CACNA2D3: variants seen among roughly 807,000 people sequenced by gnomAD.
CACNA2D3 encodes the protein voltage-dependent calcium channel subunit alpha-2/delta-3.
A neutral mutation model predicts 160.6 loss-of-function variants in CACNA2D3; 60 were observed. The observed-to-expected ratio is 0.37, with a 90% CI of 0.30 to 0.46. The LOEUF (loss-of-function observed/expected upper bound fraction) is 0.46, where lower values mean the gene tolerates loss of function less well. Among genes scored for constraint, CACNA2D3 ranks in the 20% least tolerant of loss-of-function variants. CACNA2D3 has a pLI of 1.00. For missense variants in CACNA2D3, 1,205 were observed against 1,365.0 expected, an observed-to-expected ratio of 0.88 and a Z score of 1.85; for synonymous variants, 558 against 492.9, an observed-to-expected ratio of 1.13 and a Z score of -1.75.
At chr3:54,411,096 T>C (rs1038175831) in intron 4 of CACNA2D3, among the ~76,000 whole-genome samples, 1 of 152,214 alleles carries the variant, frequency 6.6e-6, no homozygotes, top group Admixed American at 6.5e-5. Flanking sequence ...ACTGATTTGC[T>C]GCAATCTCAT....
chr3:54,366,288 G>C (rs1425505405), intron 3 of CACNA2D3, among the ~76,000 whole-genome samples: 3 of 152,196 alleles, frequency 2.0e-5, no homozygotes, highest in Non-Finnish European at 2.9e-5. Flanking sequence ...ATGTGGAAAA[G>C]ACCTGCATGC....
At chr3:54,732,275 C>T (rs1049938733) in intron 11 of CACNA2D3, among the ~76,000 whole-genome samples, 8 of 152,224 alleles carry the variant, frequency 5.3e-5, no homozygotes, top group African/African-American at 1.9e-4. Context: ...TTGTAATTAG[C>T]CAGGGAACCC....
chr3:54,427,223 G>T (rs770367570), intron 4 of CACNA2D3, among the ~76,000 whole-genome samples: 1 of 152,120 alleles, frequency 6.6e-6, no homozygotes, highest in African/African-American at 2.4e-5. Flanking sequence ...TTATCTGTGC[G>T]TATCTGTTGA....
intron 26 of CACNA2D3, among the ~76,000 whole-genome samples, chr3:54,897,340 AC>A (rs776085051): frequency 9.2e-5 from 14 of 152,238 alleles, no homozygotes; most frequent in Non-Finnish European, 1.6e-4. Flanking sequence ...GCCTGCAGTT[AC>A]CAATGACAGG....
intron 23 of CACNA2D3, 35 bp downstream of exon 23, chr3:54,885,621 G>A (rs758234142): frequency 6.5e-7 from 1 of 1,527,698 alleles, no homozygotes; most frequent in African/African-American, 1.4e-5. Flanking sequence ...TGTGCCTTCA[G>A]GGGTGATGGT....
At chr3:54,979,393 C>A (rs1448182132) in intron 29 of CACNA2D3, among the ~76,000 whole-genome samples, 1 of 152,202 alleles carries the variant, frequency 6.6e-6, no homozygotes, top group East Asian at 1.9e-4. Context: ...AAAAGAGATT[C>A]TTACTGCATT....
rs1337661277 is a variant in CACNA2D3, at chr3:54,968,527, C to A, written c.2511+16C>A. Reference sequence around the variant, plus strand: ...CAGCAGACAGGTAAGTTATAATCAGCATCTTGAAGCATTAGCGACACTGTT... The same window carrying A: ...CAGCAGACAGGTAAGTTATAATCAGAATCTTGAAGCATTAGCGACACTGTT... On this transcript the variant is annotated intron_variant, in intron 28 of 37. Transcript: ENST00000474759. The A allele has an allele frequency of 4.4e-6, 7 of 1,592,282 alleles. No individual in the cohort carries two copies. Among genetic ancestry groups the A allele is most frequent in the Non-Finnish European group, 6.0e-6 (7 of 1,164,228 alleles).
intron 27 of CACNA2D3, among the ~76,000 whole-genome samples, chr3:54,933,279 T>C (rs1033246980): frequency 1.3e-5 from 2 of 152,248 alleles, no homozygotes; most frequent in Non-Finnish European, 2.9e-5. Context: ...ATTATGCTAT[T>C]TTAACAAACA....
At chr3:54,315,010 T>C (rs1703829832) in intron 2 of CACNA2D3, among the ~76,000 whole-genome samples, 1 of 152,240 alleles carries the variant, frequency 6.6e-6, no homozygotes, top group South Asian at 2.1e-4. Flanking sequence ...CAAAAGTAAT[T>C]TGTACTGGCA....
intron 2 of CACNA2D3, among the ~76,000 whole-genome samples, chr3:54,230,235 T>G (rs1285551636): frequency 6.6e-6 from 1 of 152,146 alleles, no homozygotes; most frequent in Non-Finnish European, 1.5e-5. Flanking sequence ...ATAGTTTTAT[T>G]ACAGGGAAAT....
chr3:55,070,315 AAG>A lies in CACNA2D3; in HGVS notation c.2988-3121_2988-3120del, dbSNP rs572070935. On this transcript the variant is annotated intron_variant, in intron 35 of 37. Coordinates refer to ENST00000474759, the MANE Select transcript of CACNA2D3 (RefSeq NM_018398.3). The stretch of plus-strand genomic sequence containing the variant: ...AATTTCTGAAGGAGGGAGATGTGTG[AAG>A]AGAGAGAGTTGGAGGGAGAGAGAGA... Among the ~76,000 whole-genome samples the A allele has an allele frequency of 2.3e-4, 35 of 152,304 alleles. No individual in the cohort carries two copies. The East Asian group carries it at 6.2e-3, about 27-fold the overall frequency.
intron 9 of CACNA2D3, among the ~76,000 whole-genome samples, chr3:54,617,906 G>T (rs1241235952): frequency 2.0e-5 from 3 of 151,288 alleles, no homozygotes; most frequent in African/African-American, 4.9e-5. Flanking sequence ...CAGTCTTCTC[G>T]TTCTAGGAGC....
At chr3:54,659,872 A>AG (rs1461312019) in intron 11 of CACNA2D3, among the ~76,000 whole-genome samples, 1 of 152,186 alleles carries the variant, frequency 6.6e-6, no homozygotes, top group East Asian at 1.9e-4. Flanking sequence ...CTAGATGCCT[A>AG]GGTGGTGCTC....
At chr3:54,763,102 AGAAAG>A (rs1326485826) in intron 12 of CACNA2D3, among the ~76,000 whole-genome samples, 7 of 84,564 alleles carry the variant, frequency 8.3e-5, no homozygotes, top group Non-Finnish European at 1.1e-4. Flanking sequence ...AAAAAAAAAA[AGAAAG>A]AAAAAGAAAT....
chr3:54,768,597 G>A (rs1484206724), intron 13 of CACNA2D3, among the ~76,000 whole-genome samples: 1 of 152,162 alleles, frequency 6.6e-6, no homozygotes, highest in Admixed American at 6.5e-5. Flanking sequence ...AGTTACAGAG[G>A]AAAGTCTCTG....
At chr3:54,532,239 A>G (rs6801237) in intron 5 of CACNA2D3, among the ~76,000 whole-genome samples, 3,713 of 152,296 alleles carry the variant, frequency 0.024, 155 homozygotes, top group African/African-American at 0.085. Context: ...GATGCTGTTA[A>G]TCTGTAACTT....
At chr3:54,631,766 A>G (rs1219283803) in intron 10 of CACNA2D3, among the ~76,000 whole-genome samples, 1 of 152,256 alleles carries the variant, frequency 6.6e-6, no homozygotes, top group Non-Finnish European at 1.5e-5. Flanking sequence ...TCTCTGCTGC[A>G]TTCATTAGAT....
chr3:54,898,248 A>C (rs1575539498), intron 26 of CACNA2D3, among the ~76,000 whole-genome samples: 3 of 127,028 alleles, frequency 2.4e-5, no homozygotes, highest in African/African-American at 3.1e-5. Flanking sequence ...TTTGAGACAG[A>C]GTCTTGCTCC....
chr3:54,878,043 A>G (rs17054497), intron 18 of CACNA2D3, among the ~76,000 whole-genome samples: 2,865 of 152,334 alleles, frequency 0.019, 81 homozygotes, highest in African/African-American at 0.064. Context: ...CCTCCAGCTA[A>G]AAATTATGCC....
Sources: allele counts gnomAD v4.1 joint callset (sites outside exome capture counted in the v4.1 genomes callset), GRCh38; gene constraint gnomAD v4.1.1; transcripts MANE v1.5; gene names NCBI Gene and HGNC (gene_info 2026-07-23, HGNC 2026-07-21).